Variants in ZKSCAN7 observed in about 807,000 individuals in gnomAD.
ZKSCAN7 encodes zinc finger with KRAB and SCAN domains 7.
Under a neutral mutation model 65.3 loss-of-function variants are expected in ZKSCAN7, and 38 were observed. That is an observed-to-expected ratio of 0.58 (90% confidence interval 0.45 to 0.76). The LOEUF is 0.76. Ranked by LOEUF, ZKSCAN7 falls within the 30% of genes least tolerant of loss-of-function variation. ZKSCAN7 has a pLI of 0.00. For missense variants in ZKSCAN7, 815 were observed against 913.3 expected, an observed-to-expected ratio of 0.89 and a Z score of 1.39; for synonymous variants, 321 against 321.0, an observed-to-expected ratio of 1.00 and a Z score of 0.00.
intron 2 of ZKSCAN7, among the ~76,000 whole-genome samples, chr3:44,561,524 C>T (rs1275978942): frequency 6.6e-6 from 1 of 152,160 alleles, no homozygotes; most frequent in Non-Finnish European, 1.5e-5. Context: ...TAACTCATTT[C>T]AGCATTAACT....
chr3:44,563,017 A>C (rs1424121002), intron 2 of ZKSCAN7, among the ~76,000 whole-genome samples: 1 of 152,132 alleles, frequency 6.6e-6, no homozygotes, highest in Non-Finnish European at 1.5e-5. Flanking sequence ...GATACCCTGA[A>C]TCATTTCTCT....
At chr3:44,562,979 A>G (rs6772220) in intron 2 of ZKSCAN7, among the ~76,000 whole-genome samples, 3 of 132,958 alleles carry the variant, frequency 2.3e-5, no homozygotes, top group Non-Finnish European at 5.1e-5. Flanking sequence ...CAAAAAACAA[A>G]AAAAAAAAAA....
downstream of ZKSCAN7, among the ~76,000 whole-genome samples, chr3:44,573,734 A>G (rs1699869864): frequency 6.6e-6 from 1 of 152,206 alleles, no homozygotes; most frequent in African/African-American, 2.4e-5. Flanking sequence ...TAAGTCTTCA[A>G]TAGAACGTTC....
downstream of ZKSCAN7, among the ~76,000 whole-genome samples, chr3:44,573,817 G>A (rs1431168188): frequency 2.6e-5 from 4 of 152,222 alleles, no homozygotes; most frequent in East Asian, 7.7e-4. Flanking sequence ...ACCCTCTAGA[G>A]GTTGGAAACC....
chr3:44,580,657 G>A (rs550521887), intron 5 of ZKSCAN7: 5 of 1,613,890 alleles, frequency 3.1e-6, no homozygotes, highest in African/African-American at 1.3e-5. Context: ...TCCTTCTCAG[G>A]CGTCAGAATA....
At chr3:44,580,402 C>A (rs981629766) in intron 5 of ZKSCAN7, 181 of 1,601,628 alleles carry the variant, frequency 1.1e-4, no homozygotes, top group Admixed American at 2.1e-4. Flanking sequence ...TCTGGCTGGT[C>A]CTTGGTCCTC....
chr3:44,575,942 T>C (rs116427813), downstream of ZKSCAN7, among the ~76,000 whole-genome samples: 5,791 of 152,298 alleles, frequency 0.038, 160 homozygotes, highest in Non-Finnish European at 0.061. Flanking sequence ...TTGCTGGCTG[T>C]GCAAAATGAA....
intron 1 of ZKSCAN7, among the ~76,000 whole-genome samples, 188 bp from the exon 2 acceptor site, chr3:44,556,742 T>G (rs1699306027): frequency 6.6e-6 from 1 of 152,184 alleles, no homozygotes; most frequent in Admixed American, 6.5e-5. Context: ...CATAGACATT[T>G]AGATTTTATC....
intron 5 of ZKSCAN7, among the ~76,000 whole-genome samples, chr3:44,569,603 C>T (rs564667582): frequency 6.6e-6 from 1 of 152,148 alleles, no homozygotes; most frequent in Non-Finnish European, 1.5e-5. Flanking sequence ...AGACATAGCA[C>T]GAGAGTAACT....
intron 5 of ZKSCAN7, chr3:44,581,006 G>T: frequency 6.2e-7 from 1 of 1,604,956 alleles, no homozygotes; most frequent in Non-Finnish European, 8.5e-7. Context: ...TCCTGCACGG[G>T]TTCTCCTTGG....
intron 5 of ZKSCAN7, chr3:44,580,926 A>T (rs1700062873): frequency 1.2e-6 from 2 of 1,612,756 alleles, no homozygotes; most frequent in Non-Finnish European, 1.7e-6. Flanking sequence ...CTCGTCGTTG[A>T]GGAGATGCGA....
At position 44,570,156 on chromosome 3, in the gene ZKSCAN7, C is replaced by T. The variant is rs1559428614; in HGVS notation, c.1046C>T (p.Ser349Phe). ...LEITDEDKKK[S>F]TKDRYDKYKE... Reference sequence around the variant, plus strand: ...ATAACAGATGAAGATAAGAAAAAATCCACAAAAGACAGATATGACAAATAT... The same window carrying T: ...ATAACAGATGAAGATAAGAAAAAATTCACAAAAGACAGATATGACAAATAT... Residue 349 changes from serine (S) to phenylalanine (F), a missense_variant, in exon 6 of 6, where the codon TCC (serine) becomes TTC (phenylalanine). Physicochemically the swap from Ser to Phe is radical, Grantham distance 155. Around this residue, in one of 3 missense-constraint regions of ZKSCAN7, gnomAD observed 578 missense variants for 629.5 expected, o/e 0.92. Transcript: ENST00000426540. 1.2e-6 allele frequency: 2 copies of T among 1,614,078 alleles called. No homozygotes were observed. The highest frequency in any genetic ancestry group is 8.5e-7 in the Non-Finnish European group (1 of 1,180,014).
chr3:44,569,298 G>T (rs2125722186), intron 5 of ZKSCAN7, among the ~76,000 whole-genome samples: 1 of 152,342 alleles, frequency 6.6e-6, no homozygotes, highest in East Asian at 1.9e-4. Flanking sequence ...AAACACTGGG[G>T]CAGAACAGTT....
At chr3:44,569,824 T>G in intron 5 of ZKSCAN7, 98 bp from the exon 6 acceptor site, 1 of 1,441,688 alleles carries the variant, frequency 6.9e-7, no homozygotes, top group Non-Finnish European at 9.1e-7. Context: ...TTCTTAACCA[T>G]AATGTGACTT....
At chr3:44,558,382 A>G (rs188479095) in intron 2 of ZKSCAN7, among the ~76,000 whole-genome samples, 4 of 152,146 alleles carry the variant, frequency 2.6e-5, no homozygotes, top group Non-Finnish European at 5.9e-5. Context: ...AAAATTTGCT[A>G]GGTAGGGTGG....
intron 2 of ZKSCAN7, among the ~76,000 whole-genome samples, chr3:44,563,407 A>G (rs1699538471): frequency 6.6e-6 from 1 of 152,136 alleles, no homozygotes; most frequent in African/African-American, 2.4e-5. Context: ...ACTACCTGAG[A>G]TTAGGTAATT....
chr3:44,555,404 T>C lies in ZKSCAN7; in HGVS notation c.-196T>C, dbSNP rs6441857. The C allele has an allele frequency of 0.33, 49,539 of 152,208 alleles. 8,802 individuals carry two copies. Among genetic ancestry groups the C allele is most frequent in the African/African-American group, 0.41 (17,133 of 41,510 alleles). The allele number at this position is 152,208 out of a possible 1,614,324, so 9.4% of individuals were successfully genotyped here. Reference sequence around the variant, plus strand: ...CCCGATGTAGAGCCGCTTCTTTGTCTCATACCCCTGACCATTCGTGCGTGG... The same window carrying C: ...CCCGATGTAGAGCCGCTTCTTTGTCCCATACCCCTGACCATTCGTGCGTGG... On this transcript the variant is annotated 5_prime_UTR_variant, in exon 1 of 6. Transcript: ENST00000426540.
intron 5 of ZKSCAN7, among the ~76,000 whole-genome samples, chr3:44,579,699 C>T (rs944112652): frequency 6.6e-6 from 1 of 152,216 alleles, no homozygotes; most frequent in Non-Finnish European, 1.5e-5. Flanking sequence ...TTTCTCTGAA[C>T]TGGATACTCT....
At chr3:44,563,315 A>G (rs1699535557) in intron 2 of ZKSCAN7, among the ~76,000 whole-genome samples, 1 of 152,020 alleles carries the variant, frequency 6.6e-6, no homozygotes, top group Admixed American at 6.5e-5. Context: ...TTGCTTCCAC[A>G]TTTTCAAGTA....
Sources: gnomAD v4.1 joint callset for allele counts (sites outside exome capture counted in the v4.1 genomes callset) on GRCh38, gnomAD v4.1.1 for gene constraint, gnomAD v4.1.1 regional missense constraint, MANE v1.5 for transcripts, NCBI Gene and HGNC (gene_info 2026-07-23, HGNC 2026-07-21) for gene names.